The following PKP1 variants were observed in gnomAD, a reference collection of about 807,000 sequenced individuals.
The protein encoded by PKP1 is plakophilin 1.
Under a neutral mutation model 76.4 loss-of-function variants are expected in PKP1, and 27 were observed. The observed-to-expected ratio is 0.35, with a 90% confidence interval of 0.26 to 0.49. The LOEUF (loss-of-function observed/expected upper bound fraction) is 0.49, where lower values mean the gene tolerates loss of function less well. PKP1 is among the 20% of genes least tolerant of loss of function. The pLI is 0.99. For synonymous variants in PKP1, 404 were observed against 384.2 expected, an observed-to-expected ratio of 1.05 and a Z score of -0.60; for missense variants, 964 against 955.2, an observed-to-expected ratio of 1.01 and a Z score of -0.12.
Position 201,324,562 on chromosome 1 carries a change from T to C in PKP1, c.1815T>C (p.Pro605=), listed in dbSNP as rs138066192. ...ASLLSNMSRH[P]LLHRVMGNQV... The stretch of plus-strand genomic sequence containing the variant: ...TCCTGAGCAACATGTCCCGCCACCC[T>C]CTGCTGCACAGAGTGATGGGTAAGG... Residue 605 remains proline, a synonymous_variant, in exon 10 of 14, where the codon CCT becomes CCC. Coordinates refer to ENST00000367324, the MANE Select transcript of PKP1 (RefSeq NM_001005337.3). The C allele has an allele frequency of 6.2e-7, 1 of 1,614,144 alleles. No homozygotes were observed. The highest frequency in any genetic ancestry group is 8.5e-7 in the Non-Finnish European group (1 of 1,179,996).
intron 2 of PKP1, among the ~76,000 whole-genome samples, chr1:201,308,373 C>A (rs756159888): frequency 3.5e-4 from 53 of 152,226 alleles, no homozygotes; most frequent in Non-Finnish European, 6.3e-4. Context: ...TTTCACTGAG[C>A]TCTTGCTGTG....
Position 201,321,973 on chromosome 1 carries a change from C to T in PKP1, c.1348-5C>T. On this transcript the variant is annotated splice_region_variant and splice_polypyrimidine_tract_variant and intron_variant, in intron 7 of 13. Coordinates refer to ENST00000367324, the MANE Select transcript of PKP1 (RefSeq NM_001005337.3). ...CTCAGGCCCATGCCTCTCCTTGGTC[C>T]CCAGTCTGTGGAAAACTGCATGTGT... 6.2e-7 allele frequency: 1 copy of T among 1,614,018 alleles called. No homozygotes were observed. Among genetic ancestry groups the T allele is most frequent in the Non-Finnish European group, 8.5e-7 (1 of 1,180,004 alleles).
At chr1:201,288,018 C>T (rs2102404825) in intron 1 of PKP1, among the ~76,000 whole-genome samples, 1 of 152,268 alleles carries the variant, frequency 6.6e-6, no homozygotes, top group African/African-American at 2.4e-5. Context: ...TCCACACACC[C>T]ACACATGCAC....
chr1:201,307,916 G>C (rs1389193444), intron 2 of PKP1, among the ~76,000 whole-genome samples: 1 of 152,238 alleles, frequency 6.6e-6, no homozygotes. Context: ...GTTGGACACT[G>C]CTGGGTGTGT....
chr1:201,296,449 G>C (rs1036355920), intron 2 of PKP1, among the ~76,000 whole-genome samples: 2 of 152,180 alleles, frequency 1.3e-5, no homozygotes, highest in Non-Finnish European at 2.9e-5. Context: ...AGGCAGGGAG[G>C]GTGGGGAGGA....
intron 2 of PKP1, among the ~76,000 whole-genome samples, chr1:201,298,395 C>G (rs535793724): frequency 2.2e-4 from 33 of 152,200 alleles, no homozygotes; most frequent in African/African-American, 7.0e-4. Context: ...TAAGATGACA[C>G]TCCTTTTGTC....
chr1:201,317,293 A>G (rs1162786957), intron 4 of PKP1, among the ~76,000 whole-genome samples: 1 of 152,204 alleles, frequency 6.6e-6, no homozygotes, highest in Admixed American at 6.5e-5. Flanking sequence ...CTCCAGAGGA[A>G]GAAAGCAGGA....
At chr1:201,310,533 G>C (rs1460929790) in intron 2 of PKP1, among the ~76,000 whole-genome samples, 1 of 152,232 alleles carries the variant, frequency 6.6e-6, no homozygotes, top group Non-Finnish European at 1.5e-5. Flanking sequence ...GCTTCATCCA[G>C]GTCCCAGGCC....
rs779899110 is a variant in PKP1 at position 201,313,506 on chromosome 1, C to A, written c.647C>A (p.Pro216Gln). The A allele has an allele frequency of 1.9e-6, 3 of 1,613,880 alleles. No homozygotes were observed. Among genetic ancestry groups the A allele is most frequent in the Non-Finnish European group, 2.5e-6 (3 of 1,180,004 alleles). ...TCCAAGCAGGACCCTGTGTATATCC[C>A]GCCCATCTCCTGCAACAAGGACCTG... Reference protein sequence around the residue: ...CASKQDPVYIPPISCNKDLSF... With the variant: ...CASKQDPVYIQPISCNKDLSF... Residue 216 changes from proline (P) to glutamine (Q), a missense_variant, in exon 3 of 14, where the codon CCG (proline) becomes CAG (glutamine). Coordinates refer to ENST00000367324, the MANE Select transcript of PKP1 (RefSeq NM_001005337.3).
At chr1:201,319,357 G>A (rs376084821) in intron 6 of PKP1, among the ~76,000 whole-genome samples, 15 of 152,288 alleles carry the variant, frequency 9.8e-5, no homozygotes, top group African/African-American at 3.6e-4. Context: ...GGTGTGGAGG[G>A]GCGGCTGGTA....
intron 2 of PKP1, among the ~76,000 whole-genome samples, chr1:201,304,667 C>T (rs1656324523): frequency 6.6e-6 from 1 of 152,198 alleles, no homozygotes; most frequent in Non-Finnish European, 1.5e-5. Context: ...GGAGTCGGGG[C>T]CAGCAACTGG....
chr1:201,328,240 C>T (rs61818257), intron 12 of PKP1: 9,871 of 216,558 alleles, frequency 0.046, 305 homozygotes, highest in Admixed American at 0.059. Flanking sequence ...CCAGCAGGCA[C>T]TCAGGGGCTA....
intron 7 of PKP1, among the ~76,000 whole-genome samples, chr1:201,321,497 G>A (rs777560358): frequency 9.9e-5 from 15 of 152,024 alleles, no homozygotes; most frequent in Non-Finnish European, 1.8e-4. Context: ...ACTGGCCCCA[G>A]GAAGAAAGAA....
chr1:201,314,325 G>C (rs1656660582), intron 3 of PKP1, among the ~76,000 whole-genome samples: 2 of 152,176 alleles, frequency 1.3e-5, no homozygotes, highest in Non-Finnish European at 2.9e-5. Context: ...AGCCAAGCAT[G>C]GTGGCGGGTG....
At chr1:201,311,881 T>A (rs1429215799) in intron 2 of PKP1, among the ~76,000 whole-genome samples, 17 of 152,248 alleles carry the variant, frequency 1.1e-4, no homozygotes. Flanking sequence ...TGTGAGCTCC[T>A]GGGAAAGTCC....
intron 1 of PKP1, among the ~76,000 whole-genome samples, chr1:201,288,873 C>T (rs1280175503): frequency 6.6e-6 from 1 of 152,178 alleles, no homozygotes; most frequent in African/African-American, 2.4e-5. Context: ...GAACGCGTCC[C>T]AGCAGAGCCT....
chr1:201,318,600 A>G lies in PKP1; in HGVS notation c.1055-18A>G. Reference sequence around the variant, plus strand: ...CCTGAGCCTGGCACAAATTGGGTTGATGGTCTCTGACCCCCAGGGCTGCTC... The same window carrying G: ...CCTGAGCCTGGCACAAATTGGGTTGGTGGTCTCTGACCCCCAGGGCTGCTC... On this transcript the variant is annotated intron_variant, in intron 5 of 13. Transcript: ENST00000367324. 1 of 1,611,682 alleles carries G rather than the reference A, an allele frequency of 6.2e-7. No homozygotes were observed. Among genetic ancestry groups the G allele is most frequent in the Non-Finnish European group, 8.5e-7 (1 of 1,179,588 alleles).
rs143082661 is a variant in PKP1, at chr1:201,328,180, G to A, written c.2107-582G>A. Reference sequence around the variant, plus strand: ...ACATTCACTTGGAAGCATGTATTGGGCACCTGCTGTATGCTGGGAGAAATA... The same window carrying A: ...ACATTCACTTGGAAGCATGTATTGGACACCTGCTGTATGCTGGGAGAAATA... On this transcript the variant is annotated intron_variant, in intron 12 of 13. Transcript: ENST00000367324. 1.9e-4 allele frequency among the ~76,000 whole-genome samples: 29 copies of A among 152,276 alleles called. No individual in the cohort carries two copies. In the East Asian group the frequency reaches 5.4e-3, roughly 28 times the overall value.
At chr1:201,285,910 A>T (rs561508019) in intron 1 of PKP1, among the ~76,000 whole-genome samples, 14 of 151,914 alleles carry the variant, frequency 9.2e-5, no homozygotes, top group African/African-American at 3.4e-4. Context: ...CTCTCCAGAA[A>T]CTCCAAGGTC....
Sources: allele counts gnomAD v4.1 joint callset (sites outside exome capture counted in the v4.1 genomes callset), GRCh38; gene constraint gnomAD v4.1.1; transcripts MANE v1.5; gene names NCBI Gene and HGNC (gene_info 2026-07-23, HGNC 2026-07-21).